The following CDKL1 variants were observed in gnomAD, a reference collection of about 807,000 sequenced individuals.
CDKL1 encodes the protein cyclin dependent kinase like 1.
In CDKL1, 41 loss-of-function variants were observed where a neutral mutation model predicts 42.0. The ratio of observed to expected loss-of-function variants is 0.98; its 90% CI spans 0.76 to 1.27. The LOEUF (loss-of-function observed/expected upper bound fraction) is 1.27, where lower values mean the gene tolerates loss of function less well. Among genes scored for constraint, CDKL1 ranks in the 50% most tolerant of loss-of-function variants. The probability of loss-of-function intolerance (pLI) is 0.00; values close to 1 mark genes in which losing one functional copy is unlikely to be tolerated. For missense variants in CDKL1, 394 were observed against 428.4 expected, an observed-to-expected ratio of 0.92 and a Z score of 0.71; for synonymous variants, 153 against 158.6, an observed-to-expected ratio of 0.96 and a Z score of 0.26.
intron 3 of CDKL1, among the ~76,000 whole-genome samples, chr14:50,346,073 C>T (rs1890979): frequency 0.24 from 36,637 of 151,846 alleles, 4,834 homozygotes; most frequent in African/African-American, 0.34. Context: ...TCAGCCAAAA[C>T]GAATAAGTAA....
At chr14:50,364,893 AT>A (rs1306218167) in intron 2 of CDKL1, among the ~76,000 whole-genome samples, 1 of 152,194 alleles carries the variant, frequency 6.6e-6, no homozygotes, top group Non-Finnish European at 1.5e-5. Context: ...ATAGAGACAA[AT>A]AAAGCAAGTA....
intron 3 of CDKL1, among the ~76,000 whole-genome samples, chr14:50,355,522 T>C (rs2034029824): frequency 6.6e-6 from 1 of 152,224 alleles, no homozygotes; most frequent in African/African-American, 2.4e-5. Flanking sequence ...TTATTCTTCT[T>C]TAAAATCATT....
intron 3 of CDKL1, among the ~76,000 whole-genome samples, chr14:50,346,853 T>G (rs2033745206): frequency 6.6e-6 from 1 of 151,954 alleles, no homozygotes; most frequent in Non-Finnish European, 1.5e-5. Context: ...TTCACCATGT[T>G]GACCAGGCTG....
chr14:50,367,683 T>A (rs1441683893), intron 2 of CDKL1, among the ~76,000 whole-genome samples: 1 of 152,242 alleles, frequency 6.6e-6, no homozygotes, highest in East Asian at 1.9e-4. Context: ...CACAAAGATG[T>A]TTGGGGCTCA....
At chr14:50,366,123 C>T (rs2034431313) in intron 2 of CDKL1, among the ~76,000 whole-genome samples, 2 of 152,150 alleles carry the variant, frequency 1.3e-5, no homozygotes, top group Admixed American at 1.3e-4. Context: ...GGTTCTGTCC[C>T]TCTAGAGAAC....
At chr14:50,375,283 A>C (rs921740313) in intron 2 of CDKL1, among the ~76,000 whole-genome samples, 1 of 152,192 alleles carries the variant, frequency 6.6e-6, no homozygotes, top group Non-Finnish European at 1.5e-5. Context: ...ATATAAATAA[A>C]TGATTGACTG....
At chr14:50,394,173 A>G (rs2035335811) in intron 2 of CDKL1, among the ~76,000 whole-genome samples, 2 of 152,228 alleles carry the variant, frequency 1.3e-5, no homozygotes, top group South Asian at 2.1e-4. Flanking sequence ...TTTCAGGTAA[A>G]TGAACCCTTT....
chr14:50,334,698 G>A, intron 7 of CDKL1, 77 bp from the exon 8 acceptor site: 1 of 948,908 alleles, frequency 1.1e-6, no homozygotes, highest in Non-Finnish European at 1.7e-6. Context: ...TCTTTTGATA[G>A]AAACATTTTC....
At position 50,338,798 on chromosome 14, in the gene CDKL1, A is replaced by C. The variant is rs575782510; in HGVS notation, c.738+149T>G. The stretch of plus-strand genomic sequence containing the variant: ...CAGCCTCTAAATGAGCAGTAAGGCT[A>C]AAGTCTCGCTAGCCAATTTGCTCCA... On this transcript the variant is annotated intron_variant, in intron 7 of 9. Transcript: ENST00000395834. The C allele has an allele frequency of 1.3e-4, 89 of 662,374 alleles. 1 individual carries two copies. The highest frequency in any genetic ancestry group is 8.0e-4 in the Admixed American group (39 of 48,518). 41.0% of individuals were successfully genotyped at this position (662,374 alleles called of 1,614,324 possible).
chr14:50,369,288 C>A (rs1207639508), intron 2 of CDKL1, among the ~76,000 whole-genome samples: 1 of 152,096 alleles, frequency 6.6e-6, no homozygotes, highest in African/African-American at 2.4e-5. Context: ...GGGCTGAGAG[C>A]AGCTGTTCAC....
At chr14:50,348,528 T>A (rs1176879684) in intron 3 of CDKL1, among the ~76,000 whole-genome samples, 1 of 152,084 alleles carries the variant, frequency 6.6e-6, no homozygotes, top group African/African-American at 2.4e-5. Flanking sequence ...CCCTCTTCCC[T>A]CACTAGACTC....
At chr14:50,383,565 AC>A (rs1309122406) in intron 2 of CDKL1, among the ~76,000 whole-genome samples, 3 of 59,076 alleles carry the variant, frequency 5.1e-5, no homozygotes, top group African/African-American at 2.5e-4. Flanking sequence ...AAAAAAAAAA[AC>A]AAACAACAAC....
intron 3 of CDKL1, among the ~76,000 whole-genome samples, chr14:50,356,186 A>G (rs1396351559): frequency 6.6e-6 from 1 of 152,182 alleles, no homozygotes; most frequent in Non-Finnish European, 1.5e-5. Flanking sequence ...ATATTGTCTA[A>G]TAGATCAAAT....
rs1383569874 is a variant in CDKL1 at position 50,338,971 on chromosome 14, C to T, written c.714G>A (p.Val238=). The T allele has an allele frequency of 6.2e-7, 1 of 1,611,864 alleles. No individual in the cohort carries two copies. Among genetic ancestry groups the T allele is most frequent in the South Asian group, 1.1e-5 (1 of 91,026 alleles). ...CCATATCTTCAGGGTCTGGAATTTT[C>T]ACTCCACTGAAGTACTGATTCGTGC... The part of the protein sequence containing the change: ...VFSTNQYFSG[V]KIPDPEDMEP... The change falls in exon 7 of 10, where the codon GTG becomes GTA. Residue 238 remains valine, a synonymous_variant. Transcript: ENST00000395834.
chr14:50,352,728 G>T (rs2139431062), intron 3 of CDKL1, among the ~76,000 whole-genome samples: 1 of 152,280 alleles, frequency 6.6e-6, no homozygotes, highest in East Asian at 1.9e-4. Context: ...GGCTGCCTTT[G>T]CCGTCTTCAG....
intron 4 of CDKL1, chr14:50,342,991 C>A (rs565486455): frequency 2.1e-5 from 29 of 1,355,742 alleles, no homozygotes; most frequent in East Asian, 9.3e-5. Context: ...TGCGGCCCCC[C>A]CTCCAGAATT....
chr14:50,333,755 A>G (rs976676581), intron 8 of CDKL1: 15 of 152,264 alleles, frequency 9.9e-5, no homozygotes, highest in East Asian at 3.9e-4. Context: ...CAGTTACATT[A>G]TCATTTATAT....
chr14:50,383,078 C>T (rs1203038729), intron 2 of CDKL1, among the ~76,000 whole-genome samples: 1 of 152,080 alleles, frequency 6.6e-6, no homozygotes, highest in Non-Finnish European at 1.5e-5. Flanking sequence ...CAGGCGTGTG[C>T]CACCACGCCT....
intron 2 of CDKL1, among the ~76,000 whole-genome samples, chr14:50,373,927 A>G (rs1237944048): frequency 6.6e-6 from 1 of 152,224 alleles, no homozygotes; most frequent in Non-Finnish European, 1.5e-5. Context: ...ACTCCTAGGT[A>G]TTTACCCAAA....
Sources: gnomAD v4.1 joint callset for allele counts (sites outside exome capture counted in the v4.1 genomes callset) on GRCh38, gnomAD v4.1.1 for gene constraint, MANE v1.5 for transcripts, NCBI Gene and HGNC (gene_info 2026-07-23, HGNC 2026-07-21) for gene names.